Variants in ABR observed in about 807,000 individuals in gnomAD.
ABR encodes ABR activator of RhoGEF and GTPase, also known as active breakpoint cluster region-related protein.
Under a neutral mutation model 107.2 loss-of-function variants are expected in ABR, and 35 were observed. That is an observed-to-expected ratio of 0.33 (90% CI 0.25 to 0.43). The LOEUF (loss-of-function observed/expected upper bound fraction) is 0.43. Among genes scored for constraint, ABR ranks in the 20% least tolerant of loss-of-function variants. The probability of loss-of-function intolerance (pLI) is 1.00; values close to 1 mark genes in which losing one functional copy is unlikely to be tolerated. For missense variants in ABR, 815 were observed against 1,115.2 expected, an observed-to-expected ratio of 0.73 and a Z score of 3.83; for synonymous variants, 498 against 462.0, an observed-to-expected ratio of 1.08 and a Z score of -1.00.
chr17:1,181,281 T>C (rs2150649085), upstream of ABR, among the ~76,000 whole-genome samples: 1 of 152,248 alleles, frequency 6.6e-6, no homozygotes, highest in African/African-American at 2.4e-5. Context: ...CATAAGCTGC[T>C]TGGGCAGAGG....
chr17:1,085,407 C>T (rs1187799276), intron 4 of ABR, among the ~76,000 whole-genome samples: 3 of 152,152 alleles, frequency 2.0e-5, no homozygotes, highest in African/African-American at 4.8e-5. Context: ...TGAGCCACCG[C>T]GCCCGGCCAA....
intron 2 of ABR, among the ~76,000 whole-genome samples, chr17:1,121,050 G>A (rs559128790): frequency 2.5e-4 from 38 of 152,340 alleles, no homozygotes; most frequent in Admixed American, 9.8e-4. Flanking sequence ...GGCAGTCTCC[G>A]CTGAATGGAG....
At chr17:1,058,136 CTTTTTTTT>C in intron 11 of ABR, 91 bp from the exon 12 acceptor site, 2 of 318,114 alleles carry the variant, frequency 6.3e-6, no homozygotes, top group Non-Finnish European at 1.1e-5. Flanking sequence ...CTCCTTTTAT[CTTTTTTTT>C]TTTTTTTTTT....
intron 1 of ABR, among the ~76,000 whole-genome samples, chr17:1,139,551 CTGTTT>C (rs2040212018): frequency 7.6e-6 from 1 of 131,782 alleles, no homozygotes; most frequent in African/African-American, 2.5e-5. Context: ...CGTGCCCGGC[CTGTTT>C]TTTTTTTCTT....
intron 11 of ABR, 35 bp downstream of exon 11, chr17:1,058,710 G>A (rs2033615304): frequency 1.2e-6 from 2 of 1,610,536 alleles, no homozygotes; most frequent in Non-Finnish European, 1.7e-6. Flanking sequence ...GACTAAGGAA[G>A]GGGCTGTCTT....
chr17:1,083,123 CAAAAA>C (rs71148427), intron 5 of ABR: 6 of 65,600 alleles, frequency 9.1e-5, no homozygotes, highest in South Asian at 5.2e-4. Context: ...GACTCTGTCT[CAAAAA>C]AAAAAAAAAA....
At chr17:1,140,872 C>T (rs1383353090) in intron 1 of ABR, among the ~76,000 whole-genome samples, 1 of 151,798 alleles carries the variant, frequency 6.6e-6, no homozygotes, top group Non-Finnish European at 1.5e-5. Flanking sequence ...TGTGAGCCAC[C>T]GCGCCCGGCC....
At chr17:1,017,831 G>A (rs2663318) in intron 16 of ABR, among the ~76,000 whole-genome samples, 86,514 of 151,338 alleles carry the variant, frequency 0.57, 25,214 homozygotes, top group East Asian at 0.66. Context: ...TTGAACTCCA[G>A]ACCTCAGGTG....
At position 1,119,463 on chromosome 17, in the gene ABR, TTCCCAGCGTTATCCCTGAGCCTGAGTTCC is replaced by T. The variant is rs1413668015; in HGVS notation, c.246+5691_246+5719del. Among the ~76,000 whole-genome samples the T allele has an allele frequency of 1.8e-4, 11 of 60,588 alleles. 1 individual carries two copies. Among genetic ancestry groups the T allele is most frequent in the African/African-American group, 3.4e-4 (6 of 17,438 alleles). The allele number at this position is 60,588 out of a possible 152,430, so 39.7% of individuals were successfully genotyped here. A position where few individuals can be genotyped will look rare whatever the true frequency, so the allele number is the denominator to read the frequency against. ...CAGCGTTATCCCTGAGCCTGAGTTCTTCCCAGCGTTATCCCTGAGCCTGAGTTCCTCCCAGCGTTATCCCTGAGCCTGAG... is the reference window on the plus strand; with the variant it reads ...CAGCGTTATCCCTGAGCCTGAGTTCTTCCCAGCGTTATCCCTGAGCCTGAG... On this transcript the variant is annotated intron_variant, in intron 2 of 22. Coordinates refer to ENST00000302538, the MANE Select transcript of ABR (RefSeq NM_021962.5).
chr17:1,090,252 T>C (rs1178109502), intron 4 of ABR, among the ~76,000 whole-genome samples: 1 of 152,118 alleles, frequency 6.6e-6, no homozygotes, highest in African/African-American at 2.4e-5. Flanking sequence ...GGGAGGAAGC[T>C]GCCAAGGCTG....
intron 1 of ABR, among the ~76,000 whole-genome samples, chr17:1,178,801 G>T (rs2042009005): frequency 6.6e-6 from 1 of 151,722 alleles, no homozygotes. Flanking sequence ...TCTCAGGGAA[G>T]GGTGGGGAGA....
chr17:1,139,341 T>C lies in ABR; in HGVS notation c.62-13974A>G, dbSNP rs996460618. On this transcript the variant is annotated intron_variant, in intron 1 of 22. Coordinates refer to ENST00000302538, the MANE Select transcript of ABR (RefSeq NM_021962.5). ...ATCTCGGCTCACTGCAAGCTCCGCC[T>C]CCCGGGTTCAAGCCATTCTCCTGCC... Among the ~76,000 whole-genome samples the C allele has an allele frequency of 2.6e-5, 4 of 152,196 alleles. 1 individual carries two copies. The highest frequency in any genetic ancestry group is 2.6e-4 in the Admixed American group (4 of 15,276).
At chr17:1,069,323 G>GA (rs2035021207) in intron 9 of ABR, among the ~76,000 whole-genome samples, 2 of 151,966 alleles carry the variant, frequency 1.3e-5, no homozygotes, top group Admixed American at 6.6e-5. Flanking sequence ...TTACTTTCAG[G>GA]AAAAAAGGCT....
intron 3 of ABR, among the ~76,000 whole-genome samples, chr17:1,093,982 C>A (rs997718316): frequency 6.6e-6 from 1 of 152,188 alleles, no homozygotes; most frequent in African/African-American, 2.4e-5. Context: ...AACAACGGCC[C>A]CTCAGTGTCC....
chr17:1,086,941 T>TG (rs1382587677), intron 4 of ABR, among the ~76,000 whole-genome samples: 1 of 152,050 alleles, frequency 6.6e-6, no homozygotes, highest in Non-Finnish European at 1.5e-5. Flanking sequence ...ACCTTTTTTT[T>TG]TTTTTAAAGT....
At chr17:1,058,586 C>T (rs552544348) in intron 11 of ABR, among the ~76,000 whole-genome samples, 159 bp downstream of exon 11, 5 of 152,238 alleles carry the variant, frequency 3.3e-5, no homozygotes, top group East Asian at 3.9e-4. Flanking sequence ...TCATTCCACA[C>T]GAGAGGGGAG....
At chr17:1,012,439 A>G (rs559173102) in intron 18 of ABR, 35 of 687,800 alleles carry the variant, frequency 5.1e-5, no homozygotes, top group South Asian at 4.8e-4. Flanking sequence ...CCCGCTTGTT[A>G]CGAGGAGCAG....
chr17:1,140,164 C>T (rs967619235), intron 1 of ABR, among the ~76,000 whole-genome samples: 2 of 152,182 alleles, frequency 1.3e-5, no homozygotes, highest in African/African-American at 4.8e-5. Context: ...CAAAGGTGAC[C>T]ATGGTGGGAA....
chr17:1,008,126 T>G (rs1015320543), intron 21 of ABR, among the ~76,000 whole-genome samples: 3 of 152,202 alleles, frequency 2.0e-5, no homozygotes, highest in African/African-American at 7.2e-5. Flanking sequence ...GTCCTCCCTC[T>G]GGATCCTCTC....
Sources: allele counts gnomAD v4.1 joint callset (sites outside exome capture counted in the v4.1 genomes callset), GRCh38; gene constraint gnomAD v4.1.1; transcripts MANE v1.5; gene names NCBI Gene and HGNC (gene_info 2026-07-23, HGNC 2026-07-21).